ZC3H4: variants seen among roughly 807,000 people sequenced by gnomAD.
ZC3H4 encodes the protein zinc finger CCCH-type containing 4, also known as zinc finger CCCH domain-containing protein 4.
Under a neutral mutation model 108.3 loss-of-function variants are expected in ZC3H4, and 13 were observed. The ratio of observed to expected loss-of-function variants is 0.12; its 90% CI spans 0.08 to 0.19. The LOEUF (loss-of-function observed/expected upper bound fraction) is 0.19, where lower values mean the gene tolerates loss of function less well. ZC3H4 is among the 10% of genes least tolerant of loss of function. ZC3H4 has a pLI of 1.00. For missense variants in ZC3H4, 1,734 were observed against 1,838.8 expected (o/e 0.94, Z 1.04); for synonymous variants, 917 against 749.6 (o/e 1.22, Z -3.65).
chr19:47,107,202 A>G (rs967290125), intron 2 of ZC3H4, among the ~76,000 whole-genome samples: 4 of 152,222 alleles, frequency 2.6e-5, no homozygotes, highest in Admixed American at 1.3e-4. Context: ...CTAAGAGATG[A>G]AAGATAAATG....
rs971795049 is a variant in ZC3H4 at position 47,082,360 on chromosome 19, A to G, written c.1219-65T>C. ...GAAGCTCTTGCTTACTTCTGTCTGC[A>G]AAGGGAAGAAATACTGTCACTGCTG... On this transcript the variant is annotated intron_variant, in intron 9 of 14. Coordinates refer to ENST00000253048, the MANE Select transcript of ZC3H4 (RefSeq NM_015168.2). 106 of 1,211,378 alleles carry G rather than the reference A, an allele frequency of 8.8e-5. No homozygotes were observed. The Admixed American group carries it at 1.8e-3, about 20-fold the overall frequency. 75.0% of individuals were successfully genotyped at this position (1,211,378 alleles called of 1,614,324 possible). A position where few individuals can be genotyped will look rare whatever the true frequency, so the allele number is the denominator to read the frequency against.
chr19:47,090,851 C>G (rs1398040234), intron 4 of ZC3H4, among the ~76,000 whole-genome samples: 1 of 152,104 alleles, frequency 6.6e-6, no homozygotes, highest in Non-Finnish European at 1.5e-5. Flanking sequence ...AACAAAGTTA[C>G]CACAACAATG....
At chr19:47,089,871 A>C in intron 5 of ZC3H4, 96 bp downstream of exon 5, 2 of 1,303,414 alleles carry the variant, frequency 1.5e-6, no homozygotes, top group Non-Finnish European at 2.2e-6. Flanking sequence ...TCCCAACCCT[A>C]AGTGACCAAA....
At chr19:47,092,831 T>TAAAG (rs1412470035) in intron 4 of ZC3H4, among the ~76,000 whole-genome samples, 2 of 148,912 alleles carry the variant, frequency 1.3e-5, no homozygotes, top group Non-Finnish European at 3.0e-5. Flanking sequence ...AATAAATAAA[T>TAAAG]AAATAAATAA....
Position 47,078,810 on chromosome 19 carries a change from G to A in ZC3H4, c.1440+2703C>T, listed in dbSNP as rs141714761. On this transcript the variant is annotated intron_variant, in intron 11 of 14. Transcript: ENST00000253048. ...GAAGGCAGAGGTTGCAGTGAGCCGAGATGGTGCCATTGCACTTCAGCCTGG... is the reference window on the plus strand; with the variant it reads ...GAAGGCAGAGGTTGCAGTGAGCCGAAATGGTGCCATTGCACTTCAGCCTGG... Among the ~76,000 whole-genome samples the A allele has an allele frequency of 3.7e-3, 560 of 152,226 alleles. 6 individuals are homozygous for A. The South Asian group carries it at 0.037, about 10-fold the overall frequency.
chr19:47,093,808 A>C, intron 4 of ZC3H4, 162 bp downstream of exon 4: 2 of 536,976 alleles, frequency 3.7e-6, no homozygotes. Context: ...GAAATTGTCT[A>C]AGTTTCAGTT....
chr19:47,067,907 C>G lies in ZC3H4; in HGVS notation c.2399-38G>C. 6.5e-7 allele frequency: 1 copy of G among 1,534,090 alleles called. No individual in the cohort carries two copies. The highest frequency in any genetic ancestry group is 8.8e-7 in the Non-Finnish European group (1 of 1,139,960). ...AGAGGAGCAGGGAGGGGTGAGTGGG[C>G]GCATCCACCACCCGCCCTCTTGGAT... On this transcript the variant is annotated intron_variant, in intron 14 of 14. Coordinates refer to ENST00000253048, the MANE Select transcript of ZC3H4 (RefSeq NM_015168.2). This position sits in a 1 kb window ranked among gnomAD's most constrained non-coding sequence, Gnocchi z 6.4.
In ZC3H4 at chr19:47,071,876, C is replaced by A; in HGVS notation, c.2048G>T (p.Gly683Val). 6.2e-7 allele frequency: 1 copy of A among 1,613,112 alleles called. No individual in the cohort carries two copies. The highest frequency in any genetic ancestry group is 1.1e-5 in the South Asian group (1 of 90,960). ...GGCTGGCGGGATAGGGGGCATCATT[C>A]CAGAATGTGGGGAGTCTCCAGGGCC... ...PYGPGDSPHS[G>V]MMPPIPPAQN... Residue 683 changes from glycine (G) to valine (V), a missense_variant, in exon 13 of 15, where the codon GGA becomes GTA. By Grantham distance (109) the Gly-to-Val change is moderately radical. Transcript: ENST00000253048.
At chr19:47,069,018 G>C (rs139816173) in intron 14 of ZC3H4, 74 bp downstream of exon 14, 37,316 of 1,590,564 alleles carry the variant, frequency 0.023, 540 homozygotes, top group Non-Finnish European at 0.028. Context: ...ACCCAACCTG[G>C]AACACCCCAC....
At position 47,086,469 on chromosome 19, in the gene ZC3H4, C is replaced by T; in HGVS notation, c.785G>A (p.Gly262Asp). 3.7e-6 allele frequency: 6 copies of T among 1,611,098 alleles called. No homozygotes were observed. Among genetic ancestry groups the T allele is most frequent in the Non-Finnish European group, 5.1e-6 (6 of 1,179,486 alleles). Residue 262 changes from glycine (G) to aspartate (D), a missense_variant, in exon 6 of 15, where the codon GGC becomes GAC. Gly to Asp is a moderately conservative substitution (Grantham distance 94, BLOSUM62 -1). Coordinates refer to ENST00000253048, the MANE Select transcript of ZC3H4 (RefSeq NM_015168.2). ...TCTGCCCCTGCCTCGGCTGCCCCTG[C>T]CCATGCCGCGGCCTCGCGATCCTCC... ...SRGGSRGRGM[G>D]RGSRGRGRGS...
intron 1 of ZC3H4, chr19:47,113,170 G>GGAGGGGGAACTGA (rs2058062925): frequency 6.5e-6 from 1 of 152,798 alleles, no homozygotes. Flanking sequence ...GGGTGAGATG[G>GGAGGGGGAACTGA]GAGGGGGAAC....
chr19:47,088,962 C>T (rs188716288), intron 5 of ZC3H4, among the ~76,000 whole-genome samples: 9 of 152,042 alleles, frequency 5.9e-5, no homozygotes, highest in African/African-American at 1.9e-4. Context: ...AATCCCAGCA[C>T]TTTGGGAGGC....
chr19:47,081,595 G>C lies in ZC3H4; in HGVS notation c.1358C>G (p.Thr453Ser). The change falls in exon 11 of 15, where the codon ACC (threonine) becomes AGC (serine). Residue 453 changes from threonine (T) to serine (S), a missense_variant. Thr to Ser is a moderately conservative substitution (Grantham distance 58). Around this residue, in one of 9 missense-constraint regions of ZC3H4, gnomAD observed 66 missense variants for 166.8 expected, o/e 0.40. Transcript: ENST00000253048. ...GTCACCATTGATGCAGTTCCCAGTG[G>C]TGTGGTACAGCTTACACGGGAAATC... ...HGDFPCKLYHTTGNCINGDDC... is the reference protein window; with the variant it reads ...HGDFPCKLYHSTGNCINGDDC... 6.2e-7 allele frequency: 1 copy of C among 1,614,234 alleles called. No individual in the cohort carries two copies.
chr19:47,108,467 C>A (rs1461690592), intron 2 of ZC3H4, among the ~76,000 whole-genome samples: 2 of 152,202 alleles, frequency 1.3e-5, no homozygotes, highest in Non-Finnish European at 2.9e-5. Context: ...GAAGGACCCT[C>A]AGACAGCCAT....
At chr19:47,102,339 G>C (rs948339320) in intron 2 of ZC3H4, among the ~76,000 whole-genome samples, 3 of 152,194 alleles carry the variant, frequency 2.0e-5, no homozygotes, top group African/African-American at 7.2e-5. Flanking sequence ...AGAGTAATTT[G>C]CTAAACAGGT....
chr19:47,068,564 T>A (rs1310480583), intron 14 of ZC3H4, among the ~76,000 whole-genome samples: 1 of 152,162 alleles, frequency 6.6e-6, no homozygotes, highest in Non-Finnish European at 1.5e-5. Flanking sequence ...GCTGTCCCAC[T>A]GGCTCCTGCG....
chr19:47,106,631 C>T (rs139677703), intron 2 of ZC3H4, among the ~76,000 whole-genome samples: 18 of 152,306 alleles, frequency 1.2e-4, no homozygotes, highest in African/African-American at 3.4e-4. Context: ...CAAGCAGCAG[C>T]AGCAACCCTT....
intron 2 of ZC3H4, 128 bp from the exon 3 acceptor site, chr19:47,094,736 A>C: frequency 1.1e-6 from 1 of 879,482 alleles, no homozygotes; most frequent in Non-Finnish European, 1.8e-6. Context: ...CCCTGGGAGG[A>C]CATGGGGGCC....
intron 11 of ZC3H4, among the ~76,000 whole-genome samples, chr19:47,076,637 C>T (rs368894871): frequency 1.7e-4 from 26 of 151,990 alleles, no homozygotes; most frequent in Non-Finnish European, 1.0e-4. Context: ...AGGTGGATTA[C>T]GAGGTCAGGA....
Sources: allele counts gnomAD v4.1 joint callset (sites outside exome capture counted in the v4.1 genomes callset), GRCh38; gene constraint gnomAD v4.1.1; regional missense constraint gnomAD v4.1.1; non-coding constraint Gnocchi (gnomAD v3.1); transcripts MANE v1.5; gene names NCBI Gene and HGNC (gene_info 2026-07-23, HGNC 2026-07-21).